The following ACTR10 variants were observed in gnomAD, a reference collection of about 807,000 sequenced individuals.
ACTR10 encodes actin related protein 10.
ACTR10 carries 43 observed loss-of-function variants against 56.2 expected under a neutral mutation model. The ratio of observed to expected loss-of-function variants is 0.77; its 90% CI spans 0.60 to 0.99. ACTR10 has a LOEUF of 0.99. Ranked by LOEUF, ACTR10 falls within the 50% of genes least tolerant of loss-of-function variation. The pLI, the probability that ACTR10 is intolerant of heterozygous loss-of-function variation, is 0.00. For missense variants in ACTR10, 466 were observed against 507.8 expected, an observed-to-expected ratio of 0.92 and a Z score of 0.79; for synonymous variants, 170 against 176.3, an observed-to-expected ratio of 0.96 and a Z score of 0.28.
Position 58,202,268 on chromosome 14 carries a change from T to C in ACTR10, c.78-587T>C, listed in dbSNP as rs535544045. Among the ~76,000 whole-genome samples the C allele has an allele frequency of 3.3e-5, 5 of 152,184 alleles. No homozygotes were observed. In the East Asian group the frequency reaches 7.7e-4, roughly 24 times the overall value. ...GAGTTGTAGATATGTCTTGCCTAAA[T>C]TCTGCTAAAATTAACAACTAGGAAA... On this transcript the variant is annotated intron_variant, in intron 1 of 12. Coordinates refer to ENST00000254286, the MANE Select transcript of ACTR10 (RefSeq NM_018477.3).
At chr14:58,215,961 T>TTTTC (rs1278683571) in intron 7 of ACTR10, among the ~76,000 whole-genome samples, 5 of 151,524 alleles carry the variant, frequency 3.3e-5, no homozygotes, top group Non-Finnish European at 5.9e-5. Context: ...CAGATCTCAT[T>TTTTC]TTTCTTTCTT....
chr14:58,213,770 C>A lies in ACTR10; in HGVS notation c.518+72C>A, dbSNP rs1412465212. Reference sequence around the variant, plus strand: ...AACAGTTGCTAATCTGTTTGTTGATCAGTGATCAATAGAGGGCTTGTGATA... The same window carrying A: ...AACAGTTGCTAATCTGTTTGTTGATAAGTGATCAATAGAGGGCTTGTGATA... On this transcript the variant is annotated intron_variant, in intron 6 of 12. Transcript: ENST00000254286. The A allele has an allele frequency of 4.1e-6, 5 of 1,229,046 alleles. No homozygotes were observed. The East Asian group carries it at 9.6e-5, about 24-fold the overall frequency. 76.1% of individuals were successfully genotyped at this position (1,229,046 alleles called of 1,614,324 possible). A position where few individuals can be genotyped will look rare whatever the true frequency, so the allele number is the denominator to read the frequency against.
rs1889058287 is a variant in ACTR10, at chr14:58,213,715, T to G, written c.518+17T>G. On this transcript the variant is annotated intron_variant, in intron 6 of 12. Coordinates refer to ENST00000254286, the MANE Select transcript of ACTR10 (RefSeq NM_018477.3). ...TCTTCACAAGTAAGTTTCTTGGAAT[T>G]TAACATATTCATTTCACCTGTGCCA... The G allele has an allele frequency of 3.8e-6, 6 of 1,598,344 alleles. No homozygotes were observed. Among genetic ancestry groups the G allele is most frequent in the African/African-American group, 1.3e-5 (1 of 74,644 alleles).
intron 10 of ACTR10, among the ~76,000 whole-genome samples, chr14:58,228,740 T>C (rs559844600): frequency 7.6e-6 from 1 of 131,270 alleles, no homozygotes; most frequent in East Asian, 2.6e-4. Context: ...GGTCTCACTG[T>C]GCTGCTCAGG....
intron 7 of ACTR10, among the ~76,000 whole-genome samples, chr14:58,215,829 A>G (rs1238014733): frequency 6.6e-6 from 1 of 152,142 alleles, no homozygotes; most frequent in African/African-American, 2.4e-5. Flanking sequence ...TAAGATTTCC[A>G]AAAGTGAATA....
At chr14:58,204,120 G>A (rs1462149414) in intron 2 of ACTR10, among the ~76,000 whole-genome samples, 5 of 151,806 alleles carry the variant, frequency 3.3e-5, no homozygotes, top group Non-Finnish European at 4.4e-5. Context: ...CAGATTACAC[G>A]CCTGTAATCG....
At chr14:58,207,150 C>T (rs965992618) in intron 2 of ACTR10, 6 of 164,878 alleles carry the variant, frequency 3.6e-5, no homozygotes, top group African/African-American at 1.4e-4. Context: ...AAGCAGTTCT[C>T]CCACTTCAGC....
At chr14:58,219,756 T>G in intron 8 of ACTR10, 27 bp downstream of exon 8, 1 of 1,483,294 alleles carries the variant, frequency 6.7e-7, no homozygotes, top group Non-Finnish European at 9.0e-7. Context: ...TTTTTGTCCC[T>G]TTCATCCTTA....
At chr14:58,216,782 G>A (rs1889144557) in intron 7 of ACTR10, among the ~76,000 whole-genome samples, 1 of 152,150 alleles carries the variant, frequency 6.6e-6, no homozygotes, top group South Asian at 2.1e-4. Flanking sequence ...TCCCTAAGCA[G>A]AATAAATTGC....
intron 10 of ACTR10, among the ~76,000 whole-genome samples, chr14:58,224,064 G>T (rs369951629): frequency 5.3e-5 from 8 of 151,796 alleles, no homozygotes; most frequent in African/African-American, 1.9e-4. Flanking sequence ...GCAGTGGCAC[G>T]ATCTCGGCTC....
intron 9 of ACTR10, 29 bp from the exon 10 acceptor site, chr14:58,223,754 G>A (rs767541426): frequency 1.2e-6 from 2 of 1,608,372 alleles, no homozygotes; most frequent in East Asian, 2.2e-5. Flanking sequence ...AACATGTGTG[G>A]ACTTATGTTT....
At position 58,209,046 on chromosome 14, in the gene ACTR10, C is replaced by A; in HGVS notation, c.281C>A (p.Ser94Ter). Residue 94 changes from serine to a stop codon, truncating the protein, a stop_gained, in exon 4 of 13, where the codon TCG becomes TAG. Coordinates refer to ENST00000254286, the MANE Select transcript of ACTR10 (RefSeq NM_018477.3). LOFTEE classifies it high-confidence loss of function. Reference protein sequence around the residue: ...PRDRRVVIIESVLCPSHFRET... With the variant: ...PRDRRVVIIE ...GACCGCCGAGTTGTGATTATCGAAT[C>A]GGTATTATGTCCTTCTCACTTCAGA... The A allele has an allele frequency of 1.9e-6, 3 of 1,612,646 alleles. No individual in the cohort carries two copies. The highest frequency in any genetic ancestry group is 2.5e-6 in the Non-Finnish European group (3 of 1,179,270).
intron 10 of ACTR10, among the ~76,000 whole-genome samples, chr14:58,228,626 A>G (rs992236112): frequency 2.2e-5 from 3 of 138,280 alleles, no homozygotes; most frequent in Non-Finnish European, 4.6e-5. Context: ...CCGACATATT[A>G]CTTTTGCCTA....
chr14:58,225,551 C>A (rs1287523495), intron 10 of ACTR10, among the ~76,000 whole-genome samples: 3 of 151,934 alleles, frequency 2.0e-5, no homozygotes, highest in Admixed American at 6.6e-5. Flanking sequence ...GAATGTAGTA[C>A]TTTTTGCTAG....
intron 2 of ACTR10, among the ~76,000 whole-genome samples, chr14:58,205,827 G>A (rs937978596): frequency 2.6e-5 from 4 of 152,006 alleles, no homozygotes; most frequent in Non-Finnish European, 2.9e-5. Flanking sequence ...TTTGAGACTA[G>A]CCTGGCCAAC....
In ACTR10 at chr14:58,211,319, C is replaced by A; in HGVS notation, c.370C>A (p.His124Asn). Residue 124 changes from histidine to asparagine, a missense_variant, in exon 5 of 13, where the codon CAT (histidine) becomes AAT (asparagine). His to Asn is a moderately conservative substitution (Grantham distance 68, BLOSUM62 1). Coordinates refer to ENST00000254286, the MANE Select transcript of ACTR10 (RefSeq NM_018477.3). Reference sequence around the variant, plus strand: ...TCCATCTGTCTTGCTTGCTCCAAGTCATCTAATGGCTCTTCTGACGCTTGG... The same window carrying A: ...TCCATCTGTCTTGCTTGCTCCAAGTAATCTAATGGCTCTTCTGACGCTTGG... ...EVPSVLLAPSHLMALLTLGIN... is the reference protein window; with the variant it reads ...EVPSVLLAPSNLMALLTLGIN... 6.2e-7 allele frequency: 1 copy of A among 1,613,652 alleles called. No homozygotes were observed. The highest frequency in any genetic ancestry group is 1.1e-5 in the South Asian group (1 of 91,042).
chr14:58,221,680 G>A (rs1291010893), intron 8 of ACTR10, among the ~76,000 whole-genome samples: 2 of 152,292 alleles, frequency 1.3e-5, no homozygotes, highest in African/African-American at 2.4e-5. Flanking sequence ...TGCAGAGGTT[G>A]CAGTGAGCCA....
intron 7 of ACTR10, among the ~76,000 whole-genome samples, chr14:58,217,432 C>A (rs1253455954): frequency 1.3e-5 from 2 of 151,996 alleles, no homozygotes; most frequent in East Asian, 3.9e-4. Flanking sequence ...CTTTGGGACG[C>A]CAAGGTGAGT....
chr14:58,225,096 G>A (rs1040500115), intron 10 of ACTR10, among the ~76,000 whole-genome samples: 1 of 152,082 alleles, frequency 6.6e-6, no homozygotes, highest in African/African-American at 2.4e-5. Context: ...ATATTTAAAT[G>A]AGTGAGCATG....
Sources: gnomAD v4.1 joint callset for allele counts (sites outside exome capture counted in the v4.1 genomes callset) on GRCh38, gnomAD v4.1.1 for gene constraint, MANE v1.5 for transcripts, NCBI Gene and HGNC (gene_info 2026-07-23, HGNC 2026-07-21) for gene names.